The following SPAG16 variants were observed in gnomAD, a reference collection of about 807,000 sequenced individuals.
SPAG16 encodes the protein sperm-associated antigen 16 protein.
A neutral mutation model predicts 80.4 loss-of-function variants in SPAG16; 86 were observed. That is an observed-to-expected ratio of 1.07 (90% CI 0.90 to 1.28). The LOEUF (loss-of-function observed/expected upper bound fraction) is 1.28, where lower values mean the gene tolerates loss of function less well. SPAG16 is among the 50% of genes most tolerant of loss of function. The pLI, the probability that SPAG16 is intolerant of heterozygous loss-of-function variation, is 0.00. For missense variants in SPAG16, 870 were observed against 765.3 expected (o/e 1.14, Z -1.61); for synonymous variants, 294 against 265.9 (o/e 1.11, Z -1.03).
intron 14 of SPAG16, among the ~76,000 whole-genome samples, chr2:214,119,135 G>A (rs2054091890): frequency 6.6e-6 from 1 of 151,960 alleles, no homozygotes; most frequent in Admixed American, 6.6e-5. Context: ...CTTTAAAAAA[G>A]ATTCACAGAA....
Position 213,687,725 on chromosome 2 carries a change from G to C in SPAG16, c.1071-174760G>C, listed in dbSNP as rs140663346. On this transcript the variant is annotated intron_variant, in intron 10 of 15. Transcript: ENST00000331683. The stretch of plus-strand genomic sequence containing the variant: ...GAGCAATTTGAATATAATGTATCTT[G>C]ACATAGTTTTCTTCATGTTTCTTGT... 1.2e-3 allele frequency among the ~76,000 whole-genome samples: 177 copies of C among 152,192 alleles called. 3 individuals are homozygous for C. The highest frequency in any genetic ancestry group is 3.9e-3 in the African/African-American group (160 of 41,530).
At chr2:213,343,057 T>C (rs1408158460) in intron 6 of SPAG16, among the ~76,000 whole-genome samples, 1 of 152,148 alleles carries the variant, frequency 6.6e-6, no homozygotes, top group East Asian at 1.9e-4. Flanking sequence ...GAAATATCTG[T>C]AATGGTTCTC....
intron 11 of SPAG16, among the ~76,000 whole-genome samples, chr2:213,869,765 G>T (rs1455951087): frequency 6.7e-6 from 1 of 149,556 alleles, no homozygotes; most frequent in Non-Finnish European, 1.5e-5. Flanking sequence ...CATTTTCTTT[G>T]TAAAACCAAC....
intron 5 of SPAG16, among the ~76,000 whole-genome samples, chr2:213,329,801 C>A (rs771186086): frequency 1.3e-5 from 2 of 152,274 alleles, no homozygotes; most frequent in East Asian, 3.9e-4. Flanking sequence ...ATCACAAGCC[C>A]AGAGGCTTAG....
At chr2:214,181,303 G>T (rs1374993359) in intron 15 of SPAG16, among the ~76,000 whole-genome samples, 2 of 151,674 alleles carry the variant, frequency 1.3e-5, no homozygotes, top group Non-Finnish European at 2.9e-5. Context: ...AACTGAACAT[G>T]ATGTAATGAA....
chr2:214,343,393 A>G (rs1298744619), intron 15 of SPAG16, among the ~76,000 whole-genome samples: 6 of 152,168 alleles, frequency 3.9e-5, no homozygotes, highest in Non-Finnish European at 7.4e-5. Context: ...TTTTATTTTT[A>G]ACACACATGA....
chr2:213,969,341 G>A (rs995076212), intron 12 of SPAG16, among the ~76,000 whole-genome samples: 1 of 152,148 alleles, frequency 6.6e-6, no homozygotes, highest in Non-Finnish European at 1.5e-5. Flanking sequence ...AATGGCAATA[G>A]GAGGTGCCGG....
At chr2:213,655,760 T>C (rs1212288154) in intron 10 of SPAG16, among the ~76,000 whole-genome samples, 1 of 152,224 alleles carries the variant, frequency 6.6e-6, no homozygotes, top group African/African-American at 2.4e-5. Flanking sequence ...TTTATAATAA[T>C]ACAACTTAAT....
At chr2:214,096,466 T>C (rs1251551589) in intron 13 of SPAG16, among the ~76,000 whole-genome samples, 3 of 152,032 alleles carry the variant, frequency 2.0e-5, no homozygotes, top group Non-Finnish European at 4.4e-5. Flanking sequence ...ATTCATTAAA[T>C]ATAGTCTAAT....
At chr2:213,871,634 G>A (rs887526285) in intron 11 of SPAG16, among the ~76,000 whole-genome samples, 2 of 151,970 alleles carry the variant, frequency 1.3e-5, no homozygotes, top group Non-Finnish European at 2.9e-5. Context: ...TAAAGGCTAA[G>A]GCTAAGTTGT....
intron 10 of SPAG16, among the ~76,000 whole-genome samples, chr2:213,679,553 C>CT (rs1256161302): frequency 6.6e-6 from 1 of 152,024 alleles, no homozygotes; most frequent in African/African-American, 2.4e-5. Flanking sequence ...CGTGGAGAAA[C>CT]TTTTTTTCCC....
intron 15 of SPAG16, chr2:214,238,253 A>T (rs1266376415): frequency 3.1e-6 from 1 of 327,552 alleles, no homozygotes; most frequent in Non-Finnish European, 6.0e-6. Context: ...ACATATGATG[A>T]GATATTTTAT....
chr2:214,357,281 C>CT (rs1211290828), intron 15 of SPAG16, among the ~76,000 whole-genome samples: 2 of 151,750 alleles, frequency 1.3e-5, no homozygotes, highest in African/African-American at 4.8e-5. Flanking sequence ...ATGTCATTTT[C>CT]TTTTGGAATA....
intron 15 of SPAG16, among the ~76,000 whole-genome samples, chr2:214,223,857 A>T (rs1481516809): frequency 1.3e-5 from 2 of 152,160 alleles, no homozygotes; most frequent in African/African-American, 4.8e-5. Context: ...AAGTGTGGTG[A>T]TCAGAAGAGG....
intron 10 of SPAG16, among the ~76,000 whole-genome samples, chr2:213,668,259 G>A (rs2063684433): frequency 6.6e-6 from 1 of 151,276 alleles, no homozygotes; most frequent in Non-Finnish European, 1.5e-5. Flanking sequence ...TTTTTAAAAA[G>A]TATATCTTAC....
At chr2:213,770,787 C>T (rs1001809209) in intron 10 of SPAG16, among the ~76,000 whole-genome samples, 1 of 152,142 alleles carries the variant, frequency 6.6e-6, no homozygotes, top group African/African-American at 2.4e-5. Context: ...CTGCAACAGA[C>T]ATGATCTAGT....
intron 10 of SPAG16, among the ~76,000 whole-genome samples, chr2:213,690,922 C>G (rs2064914823): frequency 6.6e-6 from 1 of 152,118 alleles, no homozygotes; most frequent in Non-Finnish European, 1.5e-5. Context: ...ACTGGCTTCT[C>G]TCTTTCTCTA....
chr2:213,723,315 T>G (rs1337267740), intron 10 of SPAG16, among the ~76,000 whole-genome samples: 1 of 152,184 alleles, frequency 6.6e-6, no homozygotes, highest in African/African-American at 2.4e-5. Context: ...ATACTAATAA[T>G]AAAGAGCTGA....
At chr2:214,261,779 A>G (rs1274084091) in intron 15 of SPAG16, among the ~76,000 whole-genome samples, 1 of 152,124 alleles carries the variant, frequency 6.6e-6, no homozygotes, top group African/African-American at 2.4e-5. Flanking sequence ...TACAGTCAAG[A>G]GTTTAAAGTT....
Sources: gnomAD v4.1 joint callset for allele counts (sites outside exome capture counted in the v4.1 genomes callset) on GRCh38, gnomAD v4.1.1 for gene constraint, MANE v1.5 for transcripts, NCBI Gene and HGNC (gene_info 2026-07-23, HGNC 2026-07-21) for gene names.